The following DOK6 variants were observed in gnomAD, a reference collection of about 807,000 sequenced individuals.
DOK6 encodes the protein docking protein 6.
A neutral mutation model predicts 44.0 loss-of-function variants in DOK6; 22 were observed. The ratio of observed to expected loss-of-function variants is 0.50; its 90% CI spans 0.36 to 0.71. The LOEUF (loss-of-function observed/expected upper bound fraction) is 0.71. DOK6 is among the 30% of genes least tolerant of loss of function. DOK6 has a pLI of 0.00. For synonymous variants in DOK6, 166 were observed against 145.5 expected, an observed-to-expected ratio of 1.14 and a Z score of -1.01; for missense variants, 340 against 416.4, an observed-to-expected ratio of 0.82 and a Z score of 1.60.
intron 4 of DOK6, among the ~76,000 whole-genome samples, chr18:69,696,039 T>C (rs998376966): frequency 1.6e-4 from 24 of 152,284 alleles, no homozygotes; most frequent in African/African-American, 4.6e-4. Flanking sequence ...TGCTTTTTTT[T>C]AAATGGGCCT....
At chr18:69,611,902 T>C (rs1381241832) in intron 3 of DOK6, among the ~76,000 whole-genome samples, 1 of 151,798 alleles carries the variant, frequency 6.6e-6, no homozygotes, top group East Asian at 1.9e-4. Context: ...GCATTGATTG[T>C]GGTGGTGCGT....
chr18:69,425,815 A>G (rs969136214), intron 1 of DOK6, among the ~76,000 whole-genome samples: 3 of 152,058 alleles, frequency 2.0e-5, no homozygotes, highest in African/African-American at 7.2e-5. Context: ...CACTATCTGT[A>G]TATTGAGTTG....
Position 69,465,817 on chromosome 18 carries a change from T to C in DOK6, c.66+64507T>C, listed in dbSNP as rs370375094. On this transcript the variant is annotated intron_variant, in intron 1 of 7. Transcript: ENST00000382713. ...CATGATTTATAGTCCTTTGGGTATA[T>C]ATCCAGTAATGGGATGGCTGGGTCA... 3.9e-5 allele frequency among the ~76,000 whole-genome samples: 6 copies of C among 152,284 alleles called. No homozygotes were observed. The East Asian group carries it at 1.2e-3, about 29-fold the overall frequency.
chr18:69,418,264 T>G (rs1978392373), intron 1 of DOK6, among the ~76,000 whole-genome samples: 2 of 152,142 alleles, frequency 1.3e-5, no homozygotes, highest in Non-Finnish European at 2.9e-5. Context: ...TTCATTCTTC[T>G]GTCTATGGTC....
intron 6 of DOK6, among the ~76,000 whole-genome samples, chr18:69,756,506 C>G (rs530092970): frequency 1.7e-3 from 263 of 152,348 alleles, no homozygotes; most frequent in Non-Finnish European, 3.3e-3. Flanking sequence ...GACGTAGCAG[C>G]TCGAGAAATG....
intron 7 of DOK6, among the ~76,000 whole-genome samples, chr18:69,822,454 G>T (rs1035199947): frequency 1.4e-5 from 2 of 140,386 alleles, no homozygotes; most frequent in African/African-American, 5.2e-5. Context: ...CCCAAAAGAT[G>T]ATGTAAAAAG....
intron 7 of DOK6, among the ~76,000 whole-genome samples, chr18:69,839,386 C>T (rs564970762): frequency 2.7e-5 from 4 of 149,712 alleles, no homozygotes; most frequent in African/African-American, 9.8e-5. Flanking sequence ...TCCCTAGTCT[C>T]TCCCTAGCCC....
intron 4 of DOK6, among the ~76,000 whole-genome samples, chr18:69,684,010 G>A (rs909610259): frequency 1.3e-5 from 2 of 152,162 alleles, no homozygotes; most frequent in African/African-American, 4.8e-5. Context: ...TATCTACAGG[G>A]AAAGCTGAAA....
At chr18:69,792,981 G>T (rs1435675788) in intron 7 of DOK6, among the ~76,000 whole-genome samples, 2 of 152,054 alleles carry the variant, frequency 1.3e-5, no homozygotes, top group African/African-American at 4.8e-5. Flanking sequence ...GTGACAAAAT[G>T]CATTCAAATT....
chr18:69,424,636 T>G (rs1218658978), intron 1 of DOK6, among the ~76,000 whole-genome samples: 1 of 134,512 alleles, frequency 7.4e-6, no homozygotes, highest in Admixed American at 7.2e-5. Context: ...CTTATAATTT[T>G]TTGTCTTACT....
chr18:69,773,466 A>G (rs903565936), intron 7 of DOK6, among the ~76,000 whole-genome samples: 2 of 152,040 alleles, frequency 1.3e-5, no homozygotes, highest in African/African-American at 4.8e-5. Context: ...ATGAAGAAGG[A>G]AAATGTGGTA....
At chr18:69,528,675 T>C (rs577550182) in intron 1 of DOK6, among the ~76,000 whole-genome samples, 159 of 152,336 alleles carry the variant, frequency 1.0e-3, no homozygotes, top group African/African-American at 3.8e-3. Flanking sequence ...ATAAAATGTA[T>C]CTCCATAGAC....
intron 1 of DOK6, among the ~76,000 whole-genome samples, chr18:69,476,478 T>TG (rs1980267729): frequency 6.6e-6 from 1 of 151,952 alleles, no homozygotes; most frequent in South Asian, 2.1e-4. Flanking sequence ...ACTTGATCAG[T>TG]CAGAGTTCCC....
At chr18:69,613,203 A>G (rs1237236544) in intron 3 of DOK6, among the ~76,000 whole-genome samples, 1 of 152,048 alleles carries the variant, frequency 6.6e-6, no homozygotes, top group African/African-American at 2.4e-5. Context: ...TTTAAAGACT[A>G]TGTGCTTTGT....
chr18:69,559,177 C>G (rs1481171234), intron 1 of DOK6, among the ~76,000 whole-genome samples: 1 of 152,052 alleles, frequency 6.6e-6, no homozygotes, highest in African/African-American at 2.4e-5. Flanking sequence ...ATATTGAGTG[C>G]CTACATAGAA....
At chr18:69,789,639 A>G (rs1221840502) in intron 7 of DOK6, among the ~76,000 whole-genome samples, 1 of 152,206 alleles carries the variant, frequency 6.6e-6, no homozygotes, top group Non-Finnish European at 1.5e-5. Context: ...TGACATTAAA[A>G]AGAAACTTTT....
chr18:69,837,378 C>T (rs921564367), intron 7 of DOK6, among the ~76,000 whole-genome samples: 6 of 152,066 alleles, frequency 3.9e-5, no homozygotes, highest in African/African-American at 9.7e-5. Context: ...TAACCCACTT[C>T]GGTGGCAATG....
At chr18:69,654,976 C>T (rs1985324476) in intron 3 of DOK6, among the ~76,000 whole-genome samples, 1 of 152,048 alleles carries the variant, frequency 6.6e-6, no homozygotes, top group Non-Finnish European at 1.5e-5. Context: ...GAGGATAACC[C>T]AAGTCTGGGA....
chr18:69,432,692 G>C (rs1978841465), intron 1 of DOK6, among the ~76,000 whole-genome samples: 1 of 152,114 alleles, frequency 6.6e-6, no homozygotes, highest in Non-Finnish European at 1.5e-5. Context: ...ACATTTGGTG[G>C]TGTTACTGCA....
Sources: allele counts gnomAD v4.1 joint callset (sites outside exome capture counted in the v4.1 genomes callset), GRCh38; gene constraint gnomAD v4.1.1; transcripts MANE v1.5; gene names NCBI Gene and HGNC (gene_info 2026-07-23, HGNC 2026-07-21).